The following PSD3 variants were observed in gnomAD, a reference collection of about 807,000 sequenced individuals.
PSD3 encodes PH and SEC7 domain-containing protein 3.
Under a neutral mutation model 105.5 loss-of-function variants are expected in PSD3, and 49 were observed. The observed-to-expected ratio is 0.46, with a 90% CI of 0.37 to 0.59. The LOEUF is 0.59. Among genes scored for constraint, PSD3 ranks in the 20% least tolerant of loss-of-function variants. The pLI is 0.00. For synonymous variants in PSD3, 557 were observed against 457.8 expected (o/e 1.22, Z -2.77); for missense variants, 1,561 against 1,263.8 (o/e 1.24, Z -3.57).
intron 1 of PSD3, among the ~76,000 whole-genome samples, chr8:18,957,950 C>T (rs1028285848): frequency 6.6e-6 from 1 of 152,120 alleles, no homozygotes; most frequent in African/African-American, 2.4e-5. Context: ...GGAGGTATAA[C>T]CTTTTTCGAA....
At chr8:18,936,590 C>A (rs1158820784) in intron 1 of PSD3, among the ~76,000 whole-genome samples, 1 of 151,916 alleles carries the variant, frequency 6.6e-6, no homozygotes. Flanking sequence ...GGTGAAACCC[C>A]ATCTCTACTA....
intron 14 of PSD3, among the ~76,000 whole-genome samples, chr8:18,570,698 T>C (rs1034211918): frequency 1.3e-5 from 2 of 151,090 alleles, no homozygotes; most frequent in African/African-American, 4.9e-5. Context: ...AAGACATTTA[T>C]GCAGCCAAAA....
chr8:19,031,394 C>G (rs1405921227), intron 1 of PSD3, among the ~76,000 whole-genome samples: 1 of 152,138 alleles, frequency 6.6e-6, no homozygotes, highest in Non-Finnish European at 1.5e-5. Context: ...AAATGTGGAT[C>G]AAGTATCTTG....
chr8:18,896,882 C>T (rs1235537338), intron 2 of PSD3, among the ~76,000 whole-genome samples: 5 of 152,046 alleles, frequency 3.3e-5, no homozygotes, highest in Non-Finnish European at 5.9e-5. Context: ...ATGATCTCGG[C>T]TCACCACAAC....
chr8:18,905,583 A>T (rs1360399728), intron 2 of PSD3, among the ~76,000 whole-genome samples: 1 of 152,106 alleles, frequency 6.6e-6, no homozygotes, highest in Non-Finnish European at 1.5e-5. Context: ...CGGCCTCCCA[A>T]AGTGCTGGGA....
rs1356890263 is a variant in PSD3 at position 18,743,787 on chromosome 8, A to G, written c.2172+21662T>C. ...CCCTGTCTCTATTAAAAAAAAAAAA[A>G]AAAGAAAGAAAATTAGCTAGGCTTG... On this transcript the variant is annotated intron_variant, in intron 9 of 15. Transcript: ENST00000327040. Among the ~76,000 whole-genome samples the G allele has an allele frequency of 2.9e-3, 446 of 152,010 alleles. 1 individual carries two copies. The highest frequency in any genetic ancestry group is 0.01 in the African/African-American group (432 of 41,452).
At position 18,528,932 on chromosome 8, in the gene PSD3, A is replaced by G. The variant is rs1290481262; in HGVS notation, c.*6811T>C. 2.0e-5 allele frequency: 3 copies of G among 152,348 alleles called. No individual in the cohort carries two copies. The highest frequency in any genetic ancestry group is 4.4e-5 in the Non-Finnish European group (3 of 68,046). The allele number at this position is 152,348 out of a possible 1,614,324, so 9.4% of individuals were successfully genotyped here. A position where few individuals can be genotyped will look rare whatever the true frequency, so the allele number is the denominator to read the frequency against. On this transcript the variant is annotated 3_prime_UTR_variant, in exon 16 of 16. Transcript: ENST00000327040. Reference sequence around the variant, plus strand: ...CCATCCTCGCTGTTGTTGCTGATGGAAAAGTGCTCAACTGCTCAGCATGTT... The same window carrying G: ...CCATCCTCGCTGTTGTTGCTGATGGGAAAGTGCTCAACTGCTCAGCATGTT...
chr8:19,079,677 A>T (rs1829578756), intron 1 of PSD3, among the ~76,000 whole-genome samples: 1 of 152,118 alleles, frequency 6.6e-6, no homozygotes, highest in Admixed American at 6.5e-5. Context: ...TACAGGACAG[A>T]CGGCTTGCAA....
intron 10 of PSD3, among the ~76,000 whole-genome samples, chr8:18,640,745 C>A (rs1418832310): frequency 6.6e-6 from 1 of 152,170 alleles, no homozygotes; most frequent in Non-Finnish European, 1.5e-5. Context: ...GGGAAGATGG[C>A]AGAAGAAAGC....
intron 1 of PSD3, among the ~76,000 whole-genome samples, chr8:19,028,985 G>A (rs1196608578): frequency 6.6e-6 from 1 of 152,052 alleles, no homozygotes; most frequent in Non-Finnish European, 1.5e-5. Context: ...TTATATATGT[G>A]AACTACTTTT....
chr8:18,729,244 T>G (rs1262535883), intron 9 of PSD3, among the ~76,000 whole-genome samples: 1 of 152,224 alleles, frequency 6.6e-6, no homozygotes, highest in Non-Finnish European at 1.5e-5. Context: ...TCCACAAACC[T>G]ATAAATTTTC....
intron 4 of PSD3, among the ~76,000 whole-genome samples, chr8:18,834,476 C>A (rs1813932886): frequency 6.6e-6 from 1 of 152,154 alleles, no homozygotes; most frequent in Admixed American, 6.5e-5. Context: ...GAAGTCAATT[C>A]ATCCACAGCC....
At chr8:19,063,147 C>CGCA (rs1163903381) in intron 1 of PSD3, among the ~76,000 whole-genome samples, 7 of 152,160 alleles carry the variant, frequency 4.6e-5, no homozygotes, top group African/African-American at 1.7e-4. Flanking sequence ...GTCTGTAAGA[C>CGCA]GCACCTGTTC....
chr8:18,799,388 C>T (rs1339848149), intron 7 of PSD3, 35 bp from the exon 8 acceptor site: 9 of 1,513,470 alleles, frequency 5.9e-6, no homozygotes, highest in Admixed American at 3.3e-5. Context: ...AGCATGAATT[C>T]GCTTTTCACT....
chr8:19,048,221 A>T (rs1243315077), intron 1 of PSD3, among the ~76,000 whole-genome samples: 1 of 151,788 alleles, frequency 6.6e-6, no homozygotes, highest in Non-Finnish European at 1.5e-5. Context: ...AATGGAACTA[A>T]CCTCTTTGGC....
chr8:18,540,100 T>C (rs550651887), intron 15 of PSD3, among the ~76,000 whole-genome samples: 3 of 152,198 alleles, frequency 2.0e-5, no homozygotes, highest in Non-Finnish European at 4.4e-5. Context: ...TAGTTTCCAC[T>C]GCTGCCCTGT....
chr8:18,853,446 C>A (rs1437801379), intron 4 of PSD3, among the ~76,000 whole-genome samples: 1 of 152,156 alleles, frequency 6.6e-6, no homozygotes, highest in Non-Finnish European at 1.5e-5. Context: ...CCTTCTTTAG[C>A]ATCGTTGACC....
chr8:18,718,581 T>C (rs1802747650), intron 9 of PSD3, among the ~76,000 whole-genome samples: 1 of 152,258 alleles, frequency 6.6e-6, no homozygotes, highest in Non-Finnish European at 1.5e-5. Context: ...TAATACATTT[T>C]ATAATCAGAA....
At chr8:19,067,497 C>T (rs955357973) in intron 1 of PSD3, among the ~76,000 whole-genome samples, 10 of 152,154 alleles carry the variant, frequency 6.6e-5, no homozygotes, top group Admixed American at 3.3e-4. Context: ...ACAAAAAAGT[C>T]GGGATCATAA....
Sources: allele counts gnomAD v4.1 joint callset (sites outside exome capture counted in the v4.1 genomes callset), GRCh38; gene constraint gnomAD v4.1.1; transcripts MANE v1.5; gene names NCBI Gene and HGNC (gene_info 2026-07-23, HGNC 2026-07-21).